EYA2: variants seen among roughly 807,000 people sequenced by gnomAD.
The protein encoded by EYA2 is protein phosphatase EYA2.
Under a neutral mutation model 69.2 loss-of-function variants are expected in EYA2, and 31 were observed. The ratio of observed to expected loss-of-function variants is 0.45; its 90% CI spans 0.34 to 0.60. The LOEUF (loss-of-function observed/expected upper bound fraction) is 0.60, where lower values mean the gene tolerates loss of function less well. Ranked by LOEUF, EYA2 falls within the 20% of genes least tolerant of loss-of-function variation. EYA2 has a pLI of 0.02. For missense variants in EYA2, 622 were observed against 701.2 expected (o/e 0.89, Z 1.28); for synonymous variants, 257 against 279.4 (o/e 0.92, Z 0.80).
chr20:47,054,366 C>G (rs992986488), intron 5 of EYA2, among the ~76,000 whole-genome samples: 1 of 152,194 alleles, frequency 6.6e-6, no homozygotes, highest in Non-Finnish European at 1.5e-5. Flanking sequence ...GCAGTTTCCC[C>G]TGAAATTCAT....
intron 9 of EYA2, among the ~76,000 whole-genome samples, chr20:47,138,016 C>G (rs2033516223): frequency 6.6e-6 from 1 of 151,756 alleles, no homozygotes; most frequent in Admixed American, 6.6e-5. Context: ...GGAGGGATAG[C>G]TTTAGGAGAT....
intron 9 of EYA2, among the ~76,000 whole-genome samples, chr20:47,109,658 C>T (rs2032692741): frequency 6.6e-6 from 1 of 152,196 alleles, no homozygotes; most frequent in African/African-American, 2.4e-5. Context: ...GCTGGGATTA[C>T]AAGCATGAGG....
chr20:47,102,401 A>AG (rs2032450205), intron 9 of EYA2, among the ~76,000 whole-genome samples: 1 of 152,224 alleles, frequency 6.6e-6, no homozygotes, highest in Non-Finnish European at 1.5e-5. Context: ...TCCTTCCAGA[A>AG]GAGTATGAAG....
intron 3 of EYA2, 76 bp from the exon 4 acceptor site, chr20:47,004,863 TGGG>T: frequency 6.3e-7 from 1 of 1,594,680 alleles, no homozygotes; most frequent in Non-Finnish European, 8.6e-7. Context: ...CAAAGAAAAA[TGGG>T]GGTGTTGATA....
At chr20:46,978,549 G>A in intron 1 of EYA2, 1 of 534,724 alleles carries the variant, frequency 1.9e-6, no homozygotes, top group South Asian at 1.4e-5. Context: ...TATTGGACAA[G>A]GAGAAGCCAG....
intron 2 of EYA2, among the ~76,000 whole-genome samples, chr20:46,999,070 A>G (rs1485240884): frequency 6.6e-6 from 1 of 152,190 alleles, no homozygotes; most frequent in Non-Finnish European, 1.5e-5. Flanking sequence ...CATGCAAATC[A>G]TGCCATGGAG....
chr20:47,056,196 C>T (rs1176658330), intron 5 of EYA2, among the ~76,000 whole-genome samples: 5 of 152,162 alleles, frequency 3.3e-5, no homozygotes, highest in Non-Finnish European at 7.3e-5. Context: ...AAGACAGGCT[C>T]CGGGTGTGGG....
chr20:46,956,922 A>G (rs191077489), intron 1 of EYA2, among the ~76,000 whole-genome samples: 2 of 152,336 alleles, frequency 1.3e-5, no homozygotes. Context: ...TAAAACCATC[A>G]GATCTTGTGA....
chr20:47,023,364 GT>G (rs2146383576), intron 5 of EYA2, among the ~76,000 whole-genome samples: 1 of 152,288 alleles, frequency 6.6e-6, no homozygotes, highest in Middle Eastern at 3.4e-3. Flanking sequence ...CACTGTTGTT[GT>G]TGTTACGTGC....
chr20:47,065,045 A>G (rs565057855), intron 5 of EYA2, among the ~76,000 whole-genome samples: 7 of 152,330 alleles, frequency 4.6e-5, no homozygotes, highest in Admixed American at 2.0e-4. Flanking sequence ...AGGCAAGAGA[A>G]CATGTGCAGG....
At chr20:47,037,050 G>A (rs1224172324) in intron 5 of EYA2, among the ~76,000 whole-genome samples, 1 of 152,188 alleles carries the variant, frequency 6.6e-6, no homozygotes, top group Non-Finnish European at 1.5e-5. Flanking sequence ...AATGATGGTG[G>A]AAGGTAAAGG....
rs910742652 is a variant in EYA2 at position 47,074,269 on chromosome 20, A to G, written c.595A>G (p.Thr199Ala). Residue 199 changes from threonine (T) to alanine (A), a missense_variant, in exon 7 of 16, where the codon ACG becomes GCG. Physicochemically the swap from Thr to Ala is moderately conservative, Grantham distance 58. Transcript: ENST00000327619. ...ASSICPSPLS[T>A]STYVLQEASH... The stretch of plus-strand genomic sequence containing the variant: ...CAGCATCTGCCCTTCGCCCCTCTCC[A>G]CGTCCACCTACGTCCTCCAGGAGGC... 1.9e-6 allele frequency: 3 copies of G among 1,613,212 alleles called. No homozygotes were observed. The highest frequency in any genetic ancestry group is 2.5e-6 in the Non-Finnish European group (3 of 1,179,758).
At chr20:46,992,277 C>G (rs1981727374) in intron 2 of EYA2, among the ~76,000 whole-genome samples, 1 of 152,118 alleles carries the variant, frequency 6.6e-6, no homozygotes, top group Non-Finnish European at 1.5e-5. Context: ...TGTTATTATC[C>G]CCATTTTACA....
chr20:47,028,153 A>G (rs1307940651), intron 5 of EYA2, among the ~76,000 whole-genome samples: 1 of 152,192 alleles, frequency 6.6e-6, no homozygotes, highest in Non-Finnish European at 1.5e-5. Context: ...CAGGCCATGC[A>G]AGGACACAGT....
chr20:47,181,081 C>T (rs2034529125), intron 14 of EYA2, 145 bp downstream of exon 14: 2 of 1,112,830 alleles, frequency 1.8e-6, no homozygotes. Context: ...CCCAAAACAG[C>T]CCCCATAGAC....
At chr20:47,034,375 T>C (rs932814067) in intron 5 of EYA2, among the ~76,000 whole-genome samples, 1 of 152,150 alleles carries the variant, frequency 6.6e-6, no homozygotes, top group Non-Finnish European at 1.5e-5. Flanking sequence ...ATAAGGGAAA[T>C]ATTAAATAAA....
chr20:47,118,660 G>T (rs974567871), intron 9 of EYA2, among the ~76,000 whole-genome samples: 7 of 152,100 alleles, frequency 4.6e-5, no homozygotes, highest in Non-Finnish European at 1.0e-4. Context: ...AAGATGGTTT[G>T]GGGTTGTCAG....
At chr20:47,054,223 A>T (rs968706141) in intron 5 of EYA2, among the ~76,000 whole-genome samples, 2 of 152,126 alleles carry the variant, frequency 1.3e-5, no homozygotes, top group Non-Finnish European at 2.9e-5. Context: ...CACTTCTCCA[A>T]CTTGACCCTG....
At chr20:47,003,162 T>A (rs1005826473) in intron 3 of EYA2, among the ~76,000 whole-genome samples, 4 of 152,094 alleles carry the variant, frequency 2.6e-5, no homozygotes, top group African/African-American at 9.7e-5. Context: ...GGGTTGAGGG[T>A]GTGGCCTCTG....
Sources: allele counts gnomAD v4.1 joint callset (sites outside exome capture counted in the v4.1 genomes callset), GRCh38; gene constraint gnomAD v4.1.1; transcripts MANE v1.5; gene names NCBI Gene and HGNC (gene_info 2026-07-23, HGNC 2026-07-21).